Variants in ADCY3 observed in about 807,000 individuals in gnomAD.
ADCY3 encodes adenylate cyclase type 3.
A neutral mutation model predicts 119.4 loss-of-function variants in ADCY3; 70 were observed. That is an observed-to-expected ratio of 0.59 (90% CI 0.48 to 0.72). The LOEUF is 0.72. Among genes scored for constraint, ADCY3 ranks in the 30% least tolerant of loss-of-function variants. The pLI, the probability that ADCY3 is intolerant of heterozygous loss-of-function variation, is 0.00. For missense variants in ADCY3, 1,238 were observed against 1,541.6 expected (o/e 0.80, Z 3.30); for synonymous variants, 672 against 621.4 (o/e 1.08, Z -1.21).
chr2:24,866,435 G>A (rs1020473066), intron 3 of ADCY3, among the ~76,000 whole-genome samples: 6 of 151,490 alleles, frequency 4.0e-5, no homozygotes, highest in African/African-American at 1.5e-4. Flanking sequence ...TAATTAGCTG[G>A]GCATGGTGGC....
At chr2:24,880,409 C>T (rs1676249092) in intron 2 of ADCY3, among the ~76,000 whole-genome samples, 1 of 152,254 alleles carries the variant, frequency 6.6e-6, no homozygotes, top group Admixed American at 6.5e-5. Flanking sequence ...GCTCCCCTCC[C>T]TCCAATCACA....
intron 2 of ADCY3, among the ~76,000 whole-genome samples, chr2:24,910,514 G>A (rs951709381): frequency 1.3e-5 from 2 of 152,166 alleles, no homozygotes; most frequent in Admixed American, 1.3e-4. Flanking sequence ...CAGTAACACT[G>A]AGTAATGAGC....
chr2:24,827,877 G>C (rs766839931), intron 14 of ADCY3, 25 bp downstream of exon 14: 12 of 1,613,030 alleles, frequency 7.4e-6, no homozygotes, highest in African/African-American at 1.3e-5. Context: ...AGACAATACA[G>C]ATCCCCAGTC....
In ADCY3 at chr2:24,842,103, C is replaced by T; in HGVS notation, c.956+151G>A. ...CTGTAGCTTCAACATCTGCTGGCAG[C>T]TTCCTCCGCCAGGCTGATGAATGCT... is the stretch of plus-strand genomic sequence containing the variant. On this transcript the variant is annotated intron_variant, in intron 4 of 21. Coordinates refer to ENST00000679454, the MANE Select transcript of ADCY3 (RefSeq NM_004036.5). The surrounding 1 kb of genome is among the most constrained non-coding windows in gnomAD (Gnocchi z 4.9). 1 of 1,146,780 alleles carries T rather than the reference C, an allele frequency of 8.7e-7. No individual in the cohort carries two copies. Among genetic ancestry groups the T allele is most frequent in the Non-Finnish European group, 1.2e-6 (1 of 818,632 alleles). 71.0% of individuals were successfully genotyped at this position (1,146,780 alleles called of 1,614,324 possible). A position where few individuals can be genotyped will look rare whatever the true frequency, so the allele number is the denominator to read the frequency against.
chr2:24,883,725 G>A (rs1358287769), intron 2 of ADCY3, among the ~76,000 whole-genome samples: 1 of 152,204 alleles, frequency 6.6e-6, no homozygotes, highest in African/African-American at 2.4e-5. Flanking sequence ...CTCGGAGGAA[G>A]ACAAGTGTAT....
At chr2:24,917,882 T>C (rs1664653248) in intron 2 of ADCY3, among the ~76,000 whole-genome samples, 1 of 152,204 alleles carries the variant, frequency 6.6e-6, no homozygotes, top group African/African-American at 2.4e-5. Context: ...GAGCGGACGT[T>C]ATCCCCATTT....
At chr2:24,829,080 A>G (rs1158821854) in intron 13 of ADCY3, among the ~76,000 whole-genome samples, 4 of 149,642 alleles carry the variant, frequency 2.7e-5, no homozygotes, top group African/African-American at 7.4e-5. Context: ...GCAGTGGTGC[A>G]TTCTTGGCTC....
chr2:24,825,334 CGGG>C (rs768838126), intron 16 of ADCY3, among the ~76,000 whole-genome samples: 16 of 81,566 alleles, frequency 2.0e-4, no homozygotes, highest in African/African-American at 1.1e-3. Context: ...GTGGTTGTGG[CGGG>C]GGGGGGGGGG....
At chr2:24,831,174 C>T (rs796158635) in intron 12 of ADCY3, among the ~76,000 whole-genome samples, 3 of 151,610 alleles carry the variant, frequency 2.0e-5, no homozygotes, top group African/African-American at 4.8e-5. Context: ...AGTGACCTGG[C>T]GAGCCACCTG....
Position 24,824,520 on chromosome 2 carries a change from C to T in ADCY3, c.2594G>A (p.Arg865Gln), listed in dbSNP as rs1346616499. ...YFSRHVEKLA[R>Q]TLFLWKIEVH... ...CTCAATCTTCCACAAGAAAAGTGTCCGTGCCAGTTTTTCTACCTACAGACA... is the reference window on the plus strand; with the variant it reads ...CTCAATCTTCCACAAGAAAAGTGTCTGTGCCAGTTTTTCTACCTACAGACA... Residue 865 changes from arginine to glutamine, a missense_variant, in exon 17 of 22, where the codon CGG becomes CAG. This residue lies in a region of ADCY3 where 499 missense variants were observed against 571.0 expected (regional missense o/e 0.87). Coordinates refer to ENST00000679454, the MANE Select transcript of ADCY3 (RefSeq NM_004036.5). 3.7e-6 allele frequency: 6 copies of T among 1,614,130 alleles called. No homozygotes were observed. The highest frequency in any genetic ancestry group is 1.3e-5 in the African/African-American group (1 of 75,052).
At chr2:24,884,073 TACAGCCTCTC>T (rs1358170907) in intron 2 of ADCY3, among the ~76,000 whole-genome samples, 2 of 152,224 alleles carry the variant, frequency 1.3e-5, no homozygotes, top group African/African-American at 4.8e-5. Flanking sequence ...CCCTCTTCCC[TACAGCCTCTC>T]ACAGCCTTCC....
At chr2:24,845,073 C>T (rs563320050) in intron 3 of ADCY3, among the ~76,000 whole-genome samples, 1 of 152,246 alleles carries the variant, frequency 6.6e-6, no homozygotes, top group Non-Finnish European at 1.5e-5. Flanking sequence ...GATTCTGAGG[C>T]CTCCTCAGCC....
At chr2:24,884,078 C>G (rs1464136101) in intron 2 of ADCY3, among the ~76,000 whole-genome samples, 1 of 152,190 alleles carries the variant, frequency 6.6e-6, no homozygotes, top group East Asian at 1.9e-4. Flanking sequence ...TTCCCTACAG[C>G]CTCTCACAGC....
rs144969645 is a variant in ADCY3, at chr2:24,860,001, G to A, written c.825+12569C>T. On this transcript the variant is annotated intron_variant, in intron 3 of 21. Coordinates refer to ENST00000679454, the MANE Select transcript of ADCY3 (RefSeq NM_004036.5). The stretch of plus-strand genomic sequence containing the variant: ...GGCACTGTGGACAGTCCTCACCTCC[G>A]AGGGAGGACCAGGCACAGGGCCAGT... 4.7e-3 allele frequency among the ~76,000 whole-genome samples: 723 copies of A among 152,284 alleles called. 8 individuals carry two copies. Among genetic ancestry groups the A allele is most frequent in the African/African-American group, 0.017 (700 of 41,550 alleles).
At chr2:24,917,451 G>A (rs546064526) in intron 2 of ADCY3, among the ~76,000 whole-genome samples, 50 of 152,306 alleles carry the variant, frequency 3.3e-4, no homozygotes, top group Non-Finnish European at 6.2e-4. Context: ...TCATTCTCTG[G>A]TCACCGGCTT....
Position 24,823,266 on chromosome 2 carries a change from G to A in ADCY3, c.2826C>T (p.Asn942=), listed in dbSNP as rs2148371454. 6.2e-7 allele frequency: 1 copy of A among 1,613,648 alleles called. No homozygotes were observed. Among genetic ancestry groups the A allele is most frequent in the Non-Finnish European group, 8.5e-7 (1 of 1,179,966 alleles). ...FADFYTEESI[N]NGGIECLRFL... is the part of the protein sequence containing the mutation. ...AACGCAGACACTCAATACCACCATT[G>A]TTGATGCTCTCCTCTGTGTAGAAGT... is the stretch of plus-strand genomic sequence containing the variant. The change falls in exon 18 of 22, where the codon AAC becomes AAT. Residue 942 remains asparagine, a synonymous_variant. Transcript: ENST00000679454.
At chr2:24,824,741 T>G (rs1668346070) in intron 16 of ADCY3, among the ~76,000 whole-genome samples, 1 of 152,060 alleles carries the variant, frequency 6.6e-6, no homozygotes, top group South Asian at 2.1e-4. Context: ...ATACAAAAAT[T>G]AGCCGGGCAT....
chr2:24,828,610 G>T (rs537297856), intron 13 of ADCY3, among the ~76,000 whole-genome samples: 1 of 152,144 alleles, frequency 6.6e-6, no homozygotes, highest in Non-Finnish European at 1.5e-5. Flanking sequence ...CCTTCCATTG[G>T]GGGGATGTTC....
chr2:24,829,318 C>T (rs1669098456), intron 13 of ADCY3, among the ~76,000 whole-genome samples: 1 of 151,858 alleles, frequency 6.6e-6, no homozygotes, highest in Non-Finnish European at 1.5e-5. Context: ...CGCCCGGCCC[C>T]CCACTGGACT....
Sources: allele counts gnomAD v4.1 joint callset (sites outside exome capture counted in the v4.1 genomes callset), GRCh38; gene constraint gnomAD v4.1.1; regional missense constraint gnomAD v4.1.1; non-coding constraint Gnocchi (gnomAD v3.1); transcripts MANE v1.5; gene names NCBI Gene and HGNC (gene_info 2026-07-23, HGNC 2026-07-21).